The following EPDR1 variants were observed in gnomAD, a reference collection of about 807,000 sequenced individuals.
The protein encoded by EPDR1 is mammalian ependymin-related protein 1.
EPDR1 carries 27 observed loss-of-function variants against 23.7 expected under a neutral mutation model. The observed-to-expected ratio is 1.14, with a 90% confidence interval of 0.84 to 1.57. EPDR1 has a LOEUF of 1.57. Ranked by LOEUF, EPDR1 falls within the 40% of genes most tolerant of loss-of-function variation. EPDR1 has a pLI of 0.00. For missense variants in EPDR1, 349 were observed against 290.4 expected (o/e 1.20, Z -1.47); for synonymous variants, 137 against 118.2 (o/e 1.16, Z -1.03).
chr7:37,948,996 T>C lies in EPDR1; in HGVS notation c.426T>C (p.Pro142=), dbSNP rs183966621. 16 of 1,614,130 alleles carry C rather than the reference T, an allele frequency of 9.9e-6. No homozygotes were observed. The Admixed American group carries it at 2.7e-4, about 27-fold the overall frequency. Residue 142 remains proline, a synonymous_variant, in exon 2 of 3, where the codon CCT becomes CCC. Transcript: ENST00000199448. The part of the protein sequence containing the change: ...TFEDQYSIGG[P]QEQITVQEWS... ...AAGACCAGTACTCCATCGGGGGGCC[T>C]CAGGAGCAGATCACCGTCCAGGAGT...
In EPDR1 at chr7:37,921,159, C is replaced by T; in HGVS notation, c.220C>T (p.Gln74Ter). Residue 74 changes from glutamine to a stop codon, truncating the protein, a stop_gained, in exon 1 of 3, where the codon CAG (glutamine) becomes TAG (stop). Transcript: ENST00000199448. LOFTEE classifies it high-confidence loss of function. The part of the protein sequence containing the change: ...RALLSYDGLN[Q>*]RVRVLDERKA... ...CCTGCTCTCCTACGACGGGCTCAAC[C>T]AGCGCGTGCGGGTGCTGGACGAGAG... 6.3e-7 allele frequency: 1 copy of T among 1,595,296 alleles called. No homozygotes were observed. The highest frequency in any genetic ancestry group is 8.5e-7 in the Non-Finnish European group (1 of 1,178,498).
rs1785859874 is a variant in EPDR1 at position 37,928,401 on chromosome 7, A to T, written c.269+7193A>T. ...CTTTTATTTTACCCATCTTTAAATA[A>T]AAAAAAAAAACTTCTCTTGATCTTA... On this transcript the variant is annotated intron_variant, in intron 1 of 2. Coordinates refer to ENST00000199448, the MANE Select transcript of EPDR1 (RefSeq NM_017549.5). Among the ~76,000 whole-genome samples, 4 of 83,032 alleles carry T rather than the reference A, an allele frequency of 4.8e-5. No individual in the cohort carries two copies. The South Asian group carries it at 1.4e-3, about 30-fold the overall frequency. The allele number at this position is 83,032 out of a possible 152,430, so 54.5% of individuals were successfully genotyped here.
chr7:37,950,396 A>G lies in EPDR1; in HGVS notation c.675A>G (p.Ter225TrpextTer4). The G allele has an allele frequency of 1.9e-6, 3 of 1,610,726 alleles. No homozygotes were observed. The highest frequency in any genetic ancestry group is 1.7e-6 in the Non-Finnish European group (2 of 1,178,288). Reference protein sequence around the residue: ...LEKMSEDCSW* With the variant: ...LEKMSEDCSWW ...AGATGAGCGAAGACTGCTCCTGGTG[A>G]GCCTGTGCATAGGGAAGCGGCAGCA... Residue 225 changes from the stop codon to tryptophan, a stop_lost, in exon 3 of 3, where the codon TGA becomes TGG. Coordinates refer to ENST00000199448, the MANE Select transcript of EPDR1 (RefSeq NM_017549.5).
intron 1 of EPDR1, among the ~76,000 whole-genome samples, chr7:37,939,665 C>A (rs931813068): frequency 1.3e-5 from 2 of 152,092 alleles, no homozygotes; most frequent in Admixed American, 1.3e-4. Context: ...TTTCATAATA[C>A]ACATTTTCCG....
chr7:37,924,777 A>G (rs1164087311), intron 1 of EPDR1, among the ~76,000 whole-genome samples: 1 of 152,242 alleles, frequency 6.6e-6, no homozygotes, highest in Non-Finnish European at 1.5e-5. Context: ...CTTTAAGTGT[A>G]GATTTGTTGG....
intron 1 of EPDR1, among the ~76,000 whole-genome samples, chr7:37,937,905 C>G (rs1455189671): frequency 6.6e-6 from 1 of 150,538 alleles, no homozygotes. Flanking sequence ...CCATCCTTAA[C>G]AAAGTGAGGT....
Position 37,932,944 on chromosome 7 carries a change from T to C in EPDR1, c.269+11736T>C, listed in dbSNP as rs1204966527. Among the ~76,000 whole-genome samples, 6 of 152,362 alleles carry C rather than the reference T, an allele frequency of 3.9e-5. No homozygotes were observed. In the South Asian group the frequency reaches 1.2e-3, roughly 32 times the overall value. ...ATCTTTTGAACTGGAATCCAAGTCA[T>C]GGAGGCCCATCACCTTACAGCTTCT... On this transcript the variant is annotated intron_variant, in intron 1 of 2. Transcript: ENST00000199448.
intron 1 of EPDR1, among the ~76,000 whole-genome samples, chr7:37,940,856 C>G (rs1240376898): frequency 6.6e-6 from 1 of 151,700 alleles, no homozygotes; most frequent in Non-Finnish European, 1.5e-5. Flanking sequence ...AATGTCATCT[C>G]AATGGCAATG....
rs117798743 is a variant in EPDR1 at position 37,942,671 on chromosome 7, C to T, written c.270-6169C>T. 5.6e-4 allele frequency among the ~76,000 whole-genome samples: 85 copies of T among 152,226 alleles called. No individual in the cohort carries two copies. In the East Asian group the frequency reaches 0.016, roughly 28 times the overall value. ...ATATTTAGAAGAATATATGTCCAGA[C>T]ACATGTACAGAGTTGTTATTTCTGT... On this transcript the variant is annotated intron_variant, in intron 1 of 2. Transcript: ENST00000199448.
chr7:37,938,124 G>A (rs1786095985), intron 1 of EPDR1, among the ~76,000 whole-genome samples: 1 of 151,160 alleles, frequency 6.6e-6, no homozygotes, highest in Non-Finnish European at 1.5e-5. Flanking sequence ...CCAAGTAGCT[G>A]GGACTACAGG....
rs530502914 is a variant in EPDR1, at chr7:37,949,912, G to A, written c.479-288G>A. 1.5e-3 allele frequency among the ~76,000 whole-genome samples: 235 copies of A among 152,276 alleles called. 1 individual carries two copies. Among genetic ancestry groups the A allele is most frequent in the African/African-American group, 5.1e-3 (213 of 41,550 alleles). ...CCACTTACATGAGGTATGTAGAGTC[G>A]TCAAATTCATAGAGACAGAAAATCG... On this transcript the variant is annotated intron_variant, in intron 2 of 2. Coordinates refer to ENST00000199448, the MANE Select transcript of EPDR1 (RefSeq NM_017549.5).
chr7:37,932,477 C>T (rs1445219194), intron 1 of EPDR1, among the ~76,000 whole-genome samples: 1 of 152,056 alleles, frequency 6.6e-6, no homozygotes, highest in East Asian at 1.9e-4. Context: ...TCCTTGTGGT[C>T]ACACATTATT....
At chr7:37,932,795 C>T (rs1281225082) in intron 1 of EPDR1, among the ~76,000 whole-genome samples, 1 of 152,192 alleles carries the variant, frequency 6.6e-6, no homozygotes, top group African/African-American at 2.4e-5. Flanking sequence ...GCCTGCACTA[C>T]TGTCTCATGA....
At chr7:37,941,577 G>A (rs1786172939) in intron 1 of EPDR1, among the ~76,000 whole-genome samples, 2 of 152,250 alleles carry the variant, frequency 1.3e-5, no homozygotes, top group South Asian at 4.1e-4. Context: ...CGCTCAAATA[G>A]CAATTTAAAT....
At chr7:37,947,910 G>A (rs975892659) in intron 1 of EPDR1, among the ~76,000 whole-genome samples, 2 of 152,224 alleles carry the variant, frequency 1.3e-5, no homozygotes, top group Non-Finnish European at 2.9e-5. Flanking sequence ...GAGGCTGAGA[G>A]CATGGAGAGA....
At chr7:37,934,542 A>G (rs1043451801) in intron 1 of EPDR1, among the ~76,000 whole-genome samples, 1 of 151,910 alleles carries the variant, frequency 6.6e-6, no homozygotes, top group Non-Finnish European at 1.5e-5. Context: ...AGAACCAGAT[A>G]CCTTTAGCTC....
In EPDR1 at chr7:37,948,926, C is replaced by T. The variant is rs1214186021; in HGVS notation, c.356C>T (p.Thr119Ile). ...ATKQCSKMTL[T>I]QPWDPLDIPQ... Reference sequence around the variant, plus strand: ...AAGCAGTGCTCAAAGATGACCCTGACACAGCCCTGGGATCCTCTTGACATT... The same window carrying T: ...AAGCAGTGCTCAAAGATGACCCTGATACAGCCCTGGGATCCTCTTGACATT... The change falls in exon 2 of 3, where the codon ACA (threonine) becomes ATA (isoleucine). Residue 119 changes from threonine to isoleucine, a missense_variant. Thr to Ile is a moderately conservative substitution (Grantham distance 89). Transcript: ENST00000199448. 1 of 1,614,134 alleles carries T rather than the reference C, an allele frequency of 6.2e-7. No individual in the cohort carries two copies. Among genetic ancestry groups the T allele is most frequent in the Non-Finnish European group, 8.5e-7 (1 of 1,180,028 alleles).
Position 37,920,914 on chromosome 7 carries a change from C to T in EPDR1, c.-26C>T, listed in dbSNP as rs779853849. On this transcript the variant is annotated 5_prime_UTR_variant, in exon 1 of 3. Transcript: ENST00000199448. ...AGCGCCCCCTTGGGCTTGGGCTTGC[C>T]CTCGGGCCGGGGAAGGCTGACCGCG... 5.6e-6 allele frequency: 9 copies of T among 1,610,744 alleles called. No individual in the cohort carries two copies. In the African/African-American group the frequency reaches 1.2e-4, roughly 22 times the overall value.
intron 1 of EPDR1, among the ~76,000 whole-genome samples, chr7:37,926,233 A>G (rs1266153085): frequency 6.6e-6 from 1 of 152,228 alleles, no homozygotes; most frequent in Non-Finnish European, 1.5e-5. Context: ...TCTCACACCT[A>G]CAGAAAAGTT....
Sources: allele counts gnomAD v4.1 joint callset (sites outside exome capture counted in the v4.1 genomes callset), GRCh38; gene constraint gnomAD v4.1.1; transcripts MANE v1.5; gene names NCBI Gene and HGNC (gene_info 2026-07-23, HGNC 2026-07-21).